CEP128: variants seen among roughly 807,000 people sequenced by gnomAD.
The protein encoded by CEP128 is centrosomal protein 128, also known as centrosomal protein 128kDa.
In CEP128, 132 loss-of-function variants were observed where a neutral mutation model predicts 156.7. The observed-to-expected ratio is 0.84, with a 90% CI of 0.73 to 0.97. The LOEUF is 0.97. Ranked by LOEUF, CEP128 falls within the 50% of genes least tolerant of loss-of-function variation. The pLI is 0.00. For synonymous variants in CEP128, 469 were observed against 448.9 expected, an observed-to-expected ratio of 1.04 and a Z score of -0.57; for missense variants, 1,252 against 1,281.9, an observed-to-expected ratio of 0.98 and a Z score of 0.36.
intron 13 of CEP128, among the ~76,000 whole-genome samples, chr14:80,826,105 C>CA (rs397700906): frequency 0.17 from 11,695 of 69,944 alleles, 1,725 homozygotes; most frequent in African/African-American, 0.4. Context: ...GATTCTGTCT[C>CA]AAAAAAAAAA....
intron 14 of CEP128, among the ~76,000 whole-genome samples, chr14:80,482,173 C>T (rs2197986): frequency 0.49 from 74,411 of 152,010 alleles, 19,155 homozygotes; most frequent in East Asian, 0.69. Context: ...ACAACTATAA[C>T]AGCAGAAATG....
At chr14:80,515,170 T>C (rs990482687) in intron 23 of CEP128, among the ~76,000 whole-genome samples, 19 of 152,154 alleles carry the variant, frequency 1.2e-4, no homozygotes, top group Non-Finnish European at 8.8e-5. Flanking sequence ...TAGGACTCTA[T>C]TGGGTCCATG....
intron 20 of CEP128, among the ~76,000 whole-genome samples, chr14:80,567,702 C>T (rs1460715853): frequency 6.6e-6 from 1 of 152,144 alleles, no homozygotes; most frequent in Non-Finnish European, 1.5e-5. Context: ...GTCAAATTCT[C>T]CAGTGAAACT....
intron 19 of CEP128, among the ~76,000 whole-genome samples, chr14:80,702,314 T>G (rs1474480155): frequency 6.6e-6 from 1 of 152,162 alleles, no homozygotes; most frequent in African/African-American, 2.4e-5. Context: ...GAAAATCAGA[T>G]TTGTTATAGA....
At chr14:80,734,456 T>C (rs1342588242) in intron 19 of CEP128, among the ~76,000 whole-genome samples, 1 of 151,990 alleles carries the variant, frequency 6.6e-6, no homozygotes, top group Non-Finnish European at 1.5e-5. Flanking sequence ...GGCTGGATGA[T>C]AGTACCTACC....
intron 19 of CEP128, among the ~76,000 whole-genome samples, chr14:80,605,494 C>T (rs1892741295): frequency 6.6e-6 from 1 of 152,002 alleles, no homozygotes; most frequent in Non-Finnish European, 1.5e-5. Context: ...TGCAAATCTT[C>T]CCTTTTTGTT....
At chr14:80,842,647 T>A (rs772950090) in intron 9 of CEP128, among the ~76,000 whole-genome samples, 1 of 151,998 alleles carries the variant, frequency 6.6e-6, no homozygotes, top group East Asian at 1.9e-4. Flanking sequence ...TTTTTAAGGG[T>A]GTAAGCCTGC....
chr14:80,719,694 T>C (rs1897742025), intron 19 of CEP128, among the ~76,000 whole-genome samples: 1 of 152,110 alleles, frequency 6.6e-6, no homozygotes, highest in South Asian at 2.1e-4. Flanking sequence ...GTCACCCCAA[T>C]GAGTTTTTAT....
chr14:80,606,637 A>C (rs964188777), intron 19 of CEP128, among the ~76,000 whole-genome samples: 1 of 152,154 alleles, frequency 6.6e-6, no homozygotes, highest in Non-Finnish European at 1.5e-5. Flanking sequence ...TAAAGTAGAA[A>C]ATGTTATCTT....
Position 80,527,268 on chromosome 14 carries a change from A to T in CEP128, c.2959-286T>A, listed in dbSNP as rs528426990. On this transcript the variant is annotated intron_variant, in intron 22 of 24. Transcript: ENST00000555265. ...ACATGGTGAAACCTCACCTCTACAA[A>T]AAAATACAAAAACTAGTCAGATATG... The T allele has an allele frequency of 1.3e-5, 6 of 476,668 alleles. No individual in the cohort carries two copies. The East Asian group carries it at 3.7e-4, about 29-fold the overall frequency. 29.5% of individuals were successfully genotyped at this position (476,668 alleles called of 1,614,324 possible). A position where few individuals can be genotyped will look rare whatever the true frequency, so the allele number is the denominator to read the frequency against.
At chr14:80,734,567 G>A (rs1464193614) in intron 19 of CEP128, among the ~76,000 whole-genome samples, 5 of 151,848 alleles carry the variant, frequency 3.3e-5, no homozygotes. Flanking sequence ...CAATAACTGA[G>A]GGCTGGGCAC....
intron 18 of CEP128, among the ~76,000 whole-genome samples, chr14:80,751,286 T>A (rs1205430996): frequency 6.6e-6 from 1 of 152,226 alleles, no homozygotes; most frequent in African/African-American, 2.4e-5. Flanking sequence ...ATTTTTTTTA[T>A]GAATTGAATT....
chr14:80,568,705 C>T (rs928374641), intron 20 of CEP128, among the ~76,000 whole-genome samples: 4 of 152,018 alleles, frequency 2.6e-5, no homozygotes, highest in African/African-American at 7.3e-5. Flanking sequence ...AACACACACG[C>T]GCAGGTAAGA....
At chr14:80,668,196 T>C (rs1286810213) in intron 19 of CEP128, among the ~76,000 whole-genome samples, 2 of 152,166 alleles carry the variant, frequency 1.3e-5, no homozygotes, top group African/African-American at 4.8e-5. Flanking sequence ...AGTTAAATAA[T>C]AGTCTAAAGA....
At chr14:80,693,702 G>A (rs1174997481) in intron 19 of CEP128, among the ~76,000 whole-genome samples, 1 of 152,080 alleles carries the variant, frequency 6.6e-6, no homozygotes, top group Non-Finnish European at 1.5e-5. Flanking sequence ...CCCTATATAT[G>A]GATGTGTTTA....
intron 19 of CEP128, among the ~76,000 whole-genome samples, chr14:80,624,135 G>GT (rs997622457): frequency 1.6e-4 from 24 of 151,234 alleles, no homozygotes; most frequent in African/African-American, 1.7e-4. Context: ...ACAAACTCAA[G>GT]TTTTTTTTTA....
At chr14:80,536,396 A>G (rs756498635) in intron 21 of CEP128, among the ~76,000 whole-genome samples, 2 of 152,196 alleles carry the variant, frequency 1.3e-5, no homozygotes, top group East Asian at 3.8e-4. Flanking sequence ...ATTAAAGGAG[A>G]TGATATCTAC....
chr14:80,652,730 C>T (rs1044517156), intron 19 of CEP128, among the ~76,000 whole-genome samples: 3 of 152,126 alleles, frequency 2.0e-5, no homozygotes, highest in African/African-American at 7.2e-5. Flanking sequence ...AATGCTTTTA[C>T]AATGTTGGTG....
At position 80,794,885 on chromosome 14, in the gene CEP128, G is replaced by A. The variant is rs533401138; in HGVS notation, c.1210-1775C>T. On this transcript the variant is annotated intron_variant, in intron 13 of 24. Transcript: ENST00000555265. ...TAAGCTGAGATTTAAAAGAAAAGAAGCTAGCAATAATAATCAAATAACTAT... is the reference window on the plus strand; with the variant it reads ...TAAGCTGAGATTTAAAAGAAAAGAAACTAGCAATAATAATCAAATAACTAT... 5.3e-5 allele frequency among the ~76,000 whole-genome samples: 8 copies of A among 152,242 alleles called. No homozygotes were observed. In the South Asian group the frequency reaches 1.7e-3, roughly 32 times the overall value.
Sources: allele counts gnomAD v4.1 joint callset (sites outside exome capture counted in the v4.1 genomes callset), GRCh38; gene constraint gnomAD v4.1.1; transcripts MANE v1.5; gene names NCBI Gene and HGNC (gene_info 2026-07-23, HGNC 2026-07-21).